The following KCNT2 variants were observed in gnomAD, a reference collection of about 807,000 sequenced individuals.
KCNT2 encodes the protein potassium sodium-activated channel subfamily T member 2, also known as potassium channel subfamily T member 2.
In KCNT2, 67 loss-of-function variants were observed where a neutral mutation model predicts 153.8. The observed-to-expected ratio is 0.44, with a 90% CI of 0.36 to 0.53. KCNT2 has a LOEUF of 0.53. Ranked by LOEUF, KCNT2 falls within the 20% of genes least tolerant of loss-of-function variation. The pLI, the probability that KCNT2 is intolerant of heterozygous loss-of-function variation, is 0.00. For synonymous variants in KCNT2, 500 were observed against 458.8 expected (o/e 1.09, Z -1.15); for missense variants, 975 against 1,354.8 (o/e 0.72, Z 4.40).
chr1:196,465,255 A>G (rs1328421993), intron 8 of KCNT2, 38 bp downstream of exon 8: 23 of 1,072,376 alleles, frequency 2.1e-5, no homozygotes, highest in Non-Finnish European at 3.2e-5. Context: ...TTATAATTAA[A>G]TGAAACATAA....
At chr1:196,439,485 G>T (rs928324888) in intron 8 of KCNT2, among the ~76,000 whole-genome samples, 21 of 151,844 alleles carry the variant, frequency 1.4e-4, no homozygotes, top group African/African-American at 5.1e-4. Flanking sequence ...AAACAAATAT[G>T]CCCCTTGACA....
chr1:196,484,986 A>G (rs1476185434), intron 3 of KCNT2, among the ~76,000 whole-genome samples: 2 of 152,084 alleles, frequency 1.3e-5, no homozygotes, highest in Non-Finnish European at 1.5e-5. Flanking sequence ...TACTCTAAAG[A>G]CACAAGCACA....
rs111390743 is a variant in KCNT2, at chr1:196,354,839, A to G, written c.1404-12611T>C. On this transcript the variant is annotated intron_variant, in intron 14 of 27. Coordinates refer to ENST00000294725, the MANE Select transcript of KCNT2 (RefSeq NM_198503.5). ...TCAGTTTGTTGTTTGTATACTTCCC[A>G]GGGTGTTTTTTTGCACTCATGAATT... Among the ~76,000 whole-genome samples, 186 of 151,888 alleles carry G rather than the reference A, an allele frequency of 1.2e-3. 1 individual carries two copies. The highest frequency in any genetic ancestry group is 4.4e-3 in the African/African-American group (181 of 41,490).
chr1:196,287,134 T>C (rs1659742650), intron 22 of KCNT2, among the ~76,000 whole-genome samples: 1 of 152,034 alleles, frequency 6.6e-6, no homozygotes, highest in Non-Finnish European at 1.5e-5. Context: ...AGGCAAAGGA[T>C]AGGAAAGCGG....
intron 7 of KCNT2, 89 bp downstream of exon 7, chr1:196,467,614 C>G: frequency 2.5e-6 from 2 of 786,434 alleles, no homozygotes; most frequent in Non-Finnish European, 4.0e-6. Flanking sequence ...GACTAGATCC[C>G]AAATTCTCTC....
chr1:196,330,585 C>T (rs1572061247), intron 18 of KCNT2, among the ~76,000 whole-genome samples: 1 of 151,774 alleles, frequency 6.6e-6, no homozygotes, highest in Non-Finnish European at 1.5e-5. Flanking sequence ...CCAGTCAAGC[C>T]CAATGGTTAT....
chr1:196,319,431 G>A (rs983706844), intron 20 of KCNT2, 53 bp downstream of exon 20: 138 of 1,265,640 alleles, frequency 1.1e-4, no homozygotes, highest in Non-Finnish European at 1.5e-4. Context: ...CACAGCACAT[G>A]ACAAACCACA....
rs187082531 is a variant in KCNT2 at position 196,453,896 on chromosome 1, C to G, written c.638+11397G>C. 2.5e-3 allele frequency among the ~76,000 whole-genome samples: 384 copies of G among 152,072 alleles called. 2 individuals carry two copies. Among genetic ancestry groups the G allele is most frequent in the African/African-American group, 8.8e-3 (367 of 41,518 alleles). ...TACTTGCTCATTTCTCTATCTTTAG[C>G]CCCCTAGAAGTTCTGAAATGGATTT... On this transcript the variant is annotated intron_variant, in intron 8 of 27. Coordinates refer to ENST00000294725, the MANE Select transcript of KCNT2 (RefSeq NM_198503.5).
intron 13 of KCNT2, among the ~76,000 whole-genome samples, chr1:196,394,164 C>G (rs190305867): frequency 6.6e-6 from 1 of 151,410 alleles, no homozygotes; most frequent in Non-Finnish European, 1.5e-5. Flanking sequence ...TAAAAGAAAA[C>G]GAGTTTAGGC....
rs148159896 is a variant in KCNT2, at chr1:196,373,122, A to G, written c.1403+18T>C. On this transcript the variant is annotated intron_variant, in intron 14 of 27. Transcript: ENST00000294725. The stretch of plus-strand genomic sequence containing the variant: ...TTATATAATTTAAAAGGTTAACTTA[A>G]AGAAAAAATATACTTACTGCCCTCT... The G allele has an allele frequency of 0.012, 13,708 of 1,183,626 alleles. 111 individuals carry two copies. The highest frequency in any genetic ancestry group is 0.014 in the Non-Finnish European group (11,423 of 801,274). 73.3% of individuals were successfully genotyped at this position (1,183,626 alleles called of 1,614,324 possible). A position where few individuals can be genotyped will look rare whatever the true frequency, so the allele number is the denominator to read the frequency against.
chr1:196,245,843 A>C (rs1310068250), intron 26 of KCNT2, among the ~76,000 whole-genome samples: 1 of 152,322 alleles, frequency 6.6e-6, no homozygotes, highest in Non-Finnish European at 1.5e-5. Context: ...GCATGCCTAC[A>C]GAATCTAGAA....
At chr1:196,423,022 C>A in intron 12 of KCNT2, 28 bp downstream of exon 12, 1 of 1,458,874 alleles carries the variant, frequency 6.9e-7, no homozygotes, top group South Asian at 1.3e-5. Context: ...GAAAGCACAA[C>A]TTACTAAAAA....
chr1:196,538,729 CCTGA>C (rs1317269764), intron 1 of KCNT2, among the ~76,000 whole-genome samples: 2 of 152,110 alleles, frequency 1.3e-5, no homozygotes, highest in African/African-American at 4.8e-5. Context: ...TCAGCCTACT[CCTGA>C]CTAAAGCATA....
intron 27 of KCNT2, 130 bp downstream of exon 27, chr1:196,235,856 A>C (rs1018755238): frequency 3.7e-6 from 2 of 535,972 alleles, no homozygotes; most frequent in Non-Finnish European, 6.6e-6. Flanking sequence ...GTTTATTTAT[A>C]AAATTAGGTA....
intron 18 of KCNT2, among the ~76,000 whole-genome samples, chr1:196,330,336 G>T (rs575959933): frequency 1.3e-5 from 2 of 151,748 alleles, no homozygotes; most frequent in Non-Finnish European, 2.9e-5. Flanking sequence ...AGCCTTATGA[G>T]GTTCATATTA....
At chr1:196,283,658 A>G (rs1458375441) in intron 23 of KCNT2, among the ~76,000 whole-genome samples, 1 of 152,160 alleles carries the variant, frequency 6.6e-6, no homozygotes, top group Admixed American at 6.5e-5. Context: ...AGTAGATCAA[A>G]AGTCCCACTG....
intron 22 of KCNT2, among the ~76,000 whole-genome samples, chr1:196,301,224 C>A (rs1298465303): frequency 2.0e-5 from 3 of 152,156 alleles, no homozygotes; most frequent in Non-Finnish European, 4.4e-5. Context: ...CCCTGAAGAT[C>A]ATTTACTATG....
intron 1 of KCNT2, among the ~76,000 whole-genome samples, chr1:196,507,655 T>C (rs1320419329): frequency 2.0e-5 from 3 of 152,264 alleles, no homozygotes; most frequent in Middle Eastern, 6.8e-3. Flanking sequence ...TAATGAGGTG[T>C]ATAAAATTTC....
At chr1:196,271,268 T>C (rs1218576382) in intron 25 of KCNT2, among the ~76,000 whole-genome samples, 1 of 152,056 alleles carries the variant, frequency 6.6e-6, no homozygotes, top group East Asian at 1.9e-4. Flanking sequence ...TTACAGATCA[T>C]GACTTCCTTA....
Sources: gnomAD v4.1 joint callset for allele counts (sites outside exome capture counted in the v4.1 genomes callset) on GRCh38, gnomAD v4.1.1 for gene constraint, MANE v1.5 for transcripts, NCBI Gene and HGNC (gene_info 2026-07-23, HGNC 2026-07-21) for gene names.